PPP3CA: variants seen among roughly 807,000 people sequenced by gnomAD.
PPP3CA encodes the protein protein phosphatase 3 catalytic subunit alpha.
In PPP3CA, 14 loss-of-function variants were observed where a neutral mutation model predicts 66.5. That is an observed-to-expected ratio of 0.21 (90% CI 0.14 to 0.33). The LOEUF (loss-of-function observed/expected upper bound fraction) is 0.33. PPP3CA is among the 10% of genes least tolerant of loss of function. The pLI is 1.00. For missense variants in PPP3CA, 317 were observed against 639.5 expected (o/e 0.50, Z 5.44); for synonymous variants, 232 against 226.2 (o/e 1.03, Z -0.23).
chr4:101,343,041 C>A (rs1015516712), intron 1 of PPP3CA, among the ~76,000 whole-genome samples: 1 of 152,090 alleles, frequency 6.6e-6, no homozygotes, highest in Non-Finnish European at 1.5e-5. Flanking sequence ...TTCTCTATGG[C>A]CAAAAGCAAC....
intron 1 of PPP3CA, among the ~76,000 whole-genome samples, chr4:101,332,554 G>T (rs1365754885): frequency 6.6e-6 from 1 of 152,198 alleles, no homozygotes; most frequent in Non-Finnish European, 1.5e-5. Flanking sequence ...GATAGGAGGT[G>T]AGGAAGTGTA....
At chr4:101,119,014 G>C (rs1046274102) in intron 2 of PPP3CA, among the ~76,000 whole-genome samples, 4 of 143,856 alleles carry the variant, frequency 2.8e-5, no homozygotes, top group African/African-American at 1.1e-4. Flanking sequence ...GAAGAAAAAA[G>C]CTTGGCACAT....
At chr4:101,268,326 T>G (rs1025065481) in intron 1 of PPP3CA, among the ~76,000 whole-genome samples, 4 of 152,258 alleles carry the variant, frequency 2.6e-5, no homozygotes, top group African/African-American at 9.6e-5. Context: ...GTGAGAGAAG[T>G]CTGAGAAAAG....
chr4:101,094,266 GT>G (rs1389256819), intron 5 of PPP3CA, among the ~76,000 whole-genome samples: 1 of 151,500 alleles, frequency 6.6e-6, no homozygotes, highest in African/African-American at 2.4e-5. Flanking sequence ...CTATCCAAAT[GT>G]TTTTTTCATG....
chr4:101,036,497 C>T (rs1352056829), intron 11 of PPP3CA, among the ~76,000 whole-genome samples: 7 of 152,108 alleles, frequency 4.6e-5, no homozygotes, highest in South Asian at 2.1e-4. Flanking sequence ...CTGCAAGCCC[C>T]GCCTCCGGGG....
At chr4:101,198,920 C>G (rs1174518389) in intron 1 of PPP3CA, among the ~76,000 whole-genome samples, 1 of 152,144 alleles carries the variant, frequency 6.6e-6, no homozygotes, top group Non-Finnish European at 1.5e-5. Flanking sequence ...AAAGGCCAAT[C>G]AGAGGGCTCT....
rs187140268 is a variant in PPP3CA at position 101,104,878 on chromosome 4, C to T, written c.384+4076G>A. Among the ~76,000 whole-genome samples the T allele has an allele frequency of 1.6e-3, 242 of 152,144 alleles. 1 individual carries two copies. The highest frequency in any genetic ancestry group is 5.6e-3 in the African/African-American group (233 of 41,514). On this transcript the variant is annotated intron_variant, in intron 3 of 13. Transcript: ENST00000394854. ...TTTTGTCATTTTTGTATGTATGTGG[C>T]AAGTCCCTGGGTTGTAGTCTCAGAC...
intron 10 of PPP3CA, among the ~76,000 whole-genome samples, chr4:101,048,462 G>GGTCA (rs1560577558): frequency 7.4e-6 from 1 of 134,456 alleles, no homozygotes; most frequent in Non-Finnish European, 1.5e-5. Flanking sequence ...TTCTACTTAG[G>GGTCA]GTCAGTGCAG....
chr4:101,336,308 C>T (rs549454737), intron 1 of PPP3CA, among the ~76,000 whole-genome samples: 4 of 151,924 alleles, frequency 2.6e-5, no homozygotes, highest in East Asian at 1.9e-4. Context: ...CAGTGGCTCA[C>T]GCCTGTAATC....
intron 2 of PPP3CA, among the ~76,000 whole-genome samples, chr4:101,114,347 T>A (rs1721775589): frequency 6.6e-6 from 1 of 152,106 alleles, no homozygotes; most frequent in African/African-American, 2.4e-5. Context: ...ACTATTCATA[T>A]CTGTTAGCAA....
At chr4:101,041,086 T>C (rs769625677) in intron 10 of PPP3CA, among the ~76,000 whole-genome samples, 16 of 152,212 alleles carry the variant, frequency 1.1e-4, no homozygotes, top group Non-Finnish European at 1.9e-4. Context: ...AATTATTTGA[T>C]GATGATTGTT....
At chr4:101,135,030 G>A (rs1722571227) in intron 2 of PPP3CA, among the ~76,000 whole-genome samples, 1 of 152,002 alleles carries the variant, frequency 6.6e-6, no homozygotes, top group Admixed American at 6.5e-5. Flanking sequence ...GAGAAAATAT[G>A]GGCACAAGGA....
intron 2 of PPP3CA, among the ~76,000 whole-genome samples, chr4:101,120,143 C>T (rs1363351391): frequency 1.3e-5 from 2 of 151,960 alleles, no homozygotes; most frequent in Non-Finnish European, 2.9e-5. Flanking sequence ...ATCTTTCATT[C>T]CCTTACATAT....
At chr4:101,058,234 T>C (rs918259983) in intron 10 of PPP3CA, among the ~76,000 whole-genome samples, 3 of 152,192 alleles carry the variant, frequency 2.0e-5, no homozygotes, top group African/African-American at 7.2e-5. Context: ...TTGAATACTT[T>C]AATTAGCCTG....
At chr4:101,343,826 G>A (rs1054403450) in intron 1 of PPP3CA, among the ~76,000 whole-genome samples, 1 of 152,042 alleles carries the variant, frequency 6.6e-6, no homozygotes. Context: ...CGTCTCTAAA[G>A]CTGCATTCTA....
chr4:101,238,225 A>G (rs1726187519), intron 1 of PPP3CA, among the ~76,000 whole-genome samples: 1 of 152,128 alleles, frequency 6.6e-6, no homozygotes, highest in Non-Finnish European at 1.5e-5. Flanking sequence ...AAATATGCTT[A>G]AAAAGTCATA....
intron 10 of PPP3CA, among the ~76,000 whole-genome samples, chr4:101,049,242 A>G (rs1226303074): frequency 6.6e-6 from 1 of 152,128 alleles, no homozygotes; most frequent in Non-Finnish European, 1.5e-5. Flanking sequence ...CTATAAGCAG[A>G]ATTCTAACTG....
At chr4:101,195,339 T>TC (rs1204134870) in intron 2 of PPP3CA, among the ~76,000 whole-genome samples, 1 of 151,994 alleles carries the variant, frequency 6.6e-6, no homozygotes, top group Admixed American at 6.6e-5. Flanking sequence ...GTGTCCTTCT[T>TC]CCGAAAGTTC....
chr4:101,309,159 C>T (rs1409130245), intron 1 of PPP3CA, among the ~76,000 whole-genome samples: 1 of 152,050 alleles, frequency 6.6e-6, no homozygotes, highest in African/African-American at 2.4e-5. Flanking sequence ...TAATAATAAA[C>T]CTTCCCAACC....
Sources: gnomAD v4.1 joint callset for allele counts (sites outside exome capture counted in the v4.1 genomes callset) on GRCh38, gnomAD v4.1.1 for gene constraint, MANE v1.5 for transcripts, NCBI Gene and HGNC (gene_info 2026-07-23, HGNC 2026-07-21) for gene names.